CNTNAP2: variants seen among roughly 807,000 people sequenced by gnomAD.
CNTNAP2 encodes the protein contactin associated protein 2, also known as contactin-associated protein-like 2.
CNTNAP2 carries 98 observed loss-of-function variants against 155.2 expected under a neutral mutation model. The observed-to-expected ratio is 0.63, with a 90% confidence interval of 0.54 to 0.75. CNTNAP2 has a LOEUF of 0.75. CNTNAP2 is among the 30% of genes least tolerant of loss of function. The probability of loss-of-function intolerance (pLI) is 0.00; values close to 1 mark genes in which losing one functional copy is unlikely to be tolerated. For missense variants in CNTNAP2, 1,727 were observed against 1,688.1 expected, an observed-to-expected ratio of 1.02 and a Z score of -0.40; for synonymous variants, 651 against 631.2, an observed-to-expected ratio of 1.03 and a Z score of -0.47.
chr7:147,695,035 T>G (rs910857384), intron 13 of CNTNAP2, among the ~76,000 whole-genome samples: 2 of 152,204 alleles, frequency 1.3e-5, no homozygotes, highest in Non-Finnish European at 2.9e-5. Flanking sequence ...TAAGTTTGGT[T>G]TTCATTTTAA....
intron 1 of CNTNAP2, among the ~76,000 whole-genome samples, chr7:146,195,592 A>T (rs1798763782): frequency 6.6e-6 from 1 of 152,234 alleles, no homozygotes; most frequent in African/African-American, 2.4e-5. Context: ...CTCTGTTAAT[A>T]GTTTTGCTAT....
At chr7:148,374,982 T>G (rs1436658547) in intron 21 of CNTNAP2, among the ~76,000 whole-genome samples, 2 of 152,144 alleles carry the variant, frequency 1.3e-5, no homozygotes, top group African/African-American at 4.8e-5. Context: ...TTCTTAGCCC[T>G]AAAAAATCAT....
At chr7:147,974,252 A>T (rs1271953270) in intron 14 of CNTNAP2, among the ~76,000 whole-genome samples, 1 of 152,206 alleles carries the variant, frequency 6.6e-6, no homozygotes, top group Non-Finnish European at 1.5e-5. Context: ...CACTTGTTTT[A>T]AAAATGCTTT....
At chr7:146,709,753 T>C (rs951731019) in intron 1 of CNTNAP2, among the ~76,000 whole-genome samples, 3 of 151,798 alleles carry the variant, frequency 2.0e-5, no homozygotes, top group African/African-American at 7.3e-5. Context: ...CAGACTGGAG[T>C]TGAGATTTTC....
rs199849377 is a variant in CNTNAP2 at position 146,812,440 on chromosome 7, T to TA, written c.209-27265dup. On this transcript the variant is annotated intron_variant, in intron 2 of 23. Transcript: ENST00000361727. ...AATTTCTTTTATATGTATATATATA[T>TA]AAAAAATATATATATATATATATTT... 1.1e-4 allele frequency among the ~76,000 whole-genome samples: 16 copies of TA among 139,492 alleles called. No individual in the cohort carries two copies. In the South Asian group the frequency reaches 2.8e-3, roughly 24 times the overall value. 91.5% of individuals were successfully genotyped at this position (139,492 alleles called of 152,430 possible).
intron 1 of CNTNAP2, among the ~76,000 whole-genome samples, chr7:146,400,203 G>A (rs1795693642): frequency 6.6e-6 from 1 of 151,590 alleles, no homozygotes; most frequent in African/African-American, 2.4e-5. Context: ...AACTATTCAT[G>A]GAAACTTCTA....
chr7:146,916,463 G>A (rs1022341110), intron 3 of CNTNAP2, among the ~76,000 whole-genome samples: 2 of 151,910 alleles, frequency 1.3e-5, no homozygotes, highest in Non-Finnish European at 2.9e-5. Context: ...CTGGACTTTT[G>A]TTGTTGTTGA....
intron 20 of CNTNAP2, among the ~76,000 whole-genome samples, chr7:148,232,262 C>G (rs994191625): frequency 6.6e-6 from 1 of 152,232 alleles, no homozygotes; most frequent in Non-Finnish European, 1.5e-5. Flanking sequence ...CACTCCCATG[C>G]CCCACTTTCT....
intron 8 of CNTNAP2, among the ~76,000 whole-genome samples, chr7:147,295,311 T>G (rs1192482629): frequency 2.0e-5 from 3 of 152,046 alleles, no homozygotes; most frequent in African/African-American, 7.2e-5. Context: ...TGTGTTTGCA[T>G]AGTATAAGAA....
intron 21 of CNTNAP2, among the ~76,000 whole-genome samples, chr7:148,366,936 A>G (rs1798793397): frequency 6.6e-6 from 1 of 152,228 alleles, no homozygotes; most frequent in Non-Finnish European, 1.5e-5. Flanking sequence ...TCAAGCCATT[A>G]AGAAAAACCA....
intron 4 of CNTNAP2, chr7:147,081,581 ATTTGTGTGTGTGTG>A (rs1355693707): frequency 9.9e-6 from 1 of 100,896 alleles, no homozygotes; most frequent in African/African-American, 4.6e-5. Flanking sequence ...CACCCGGCTA[ATTTGTGTGTGTGTG>A]TGTGTGTGTG....
At chr7:147,262,135 G>A (rs1429054621) in intron 8 of CNTNAP2, among the ~76,000 whole-genome samples, 4 of 152,146 alleles carry the variant, frequency 2.6e-5, no homozygotes, top group Non-Finnish European at 5.9e-5. Context: ...ATTCAAAGAG[G>A]AAGTGTAAGA....
chr7:147,214,760 C>G (rs111305253), intron 8 of CNTNAP2, among the ~76,000 whole-genome samples: 50 of 152,240 alleles, frequency 3.3e-4, no homozygotes, highest in African/African-American at 1.2e-3. Flanking sequence ...CATGCATAGC[C>G]TCCTCCATTA....
chr7:147,087,353 A>C (rs1800299377), intron 4 of CNTNAP2, among the ~76,000 whole-genome samples: 1 of 152,212 alleles, frequency 6.6e-6, no homozygotes, highest in Admixed American at 6.5e-5. Flanking sequence ...CCGAAGAGAC[A>C]CATGAATTTT....
chr7:147,435,065 A>G (rs1797529019), intron 10 of CNTNAP2, among the ~76,000 whole-genome samples: 1 of 152,182 alleles, frequency 6.6e-6, no homozygotes, highest in Non-Finnish European at 1.5e-5. Context: ...ATATTGATTC[A>G]TACAACACAG....
intron 1 of CNTNAP2, among the ~76,000 whole-genome samples, chr7:146,158,173 C>G (rs775085436): frequency 5.9e-5 from 9 of 152,150 alleles, no homozygotes; most frequent in African/African-American, 9.7e-5. Context: ...ACCTGAGGGT[C>G]CTGACTGTTA....
At chr7:147,410,937 T>C (rs951370304) in intron 10 of CNTNAP2, among the ~76,000 whole-genome samples, 26 of 152,188 alleles carry the variant, frequency 1.7e-4, no homozygotes, top group African/African-American at 6.0e-4. Flanking sequence ...ATTGCAAGAA[T>C]GAGTGCCCTA....
At chr7:147,290,683 C>CAAA (rs71182191) in intron 8 of CNTNAP2, among the ~76,000 whole-genome samples, 8 of 73,302 alleles carry the variant, frequency 1.1e-4, no homozygotes, top group Admixed American at 4.5e-4. Context: ...ACTCCATCTC[C>CAAA]AAAAAAAAAA....
chr7:146,817,683 G>A (rs1803200151), intron 2 of CNTNAP2, among the ~76,000 whole-genome samples: 1 of 151,956 alleles, frequency 6.6e-6, no homozygotes, highest in Non-Finnish European at 1.5e-5. Context: ...GCAGGGAGAT[G>A]CTACTCACTT....
Sources: gnomAD v4.1 joint callset for allele counts (sites outside exome capture counted in the v4.1 genomes callset) on GRCh38, gnomAD v4.1.1 for gene constraint, MANE v1.5 for transcripts, NCBI Gene and HGNC (gene_info 2026-07-23, HGNC 2026-07-21) for gene names.